The following MOK variants were observed in gnomAD, a reference collection of about 807,000 sequenced individuals.
MOK encodes the protein MOK protein kinase, also known as MAPK/MAK/MRK overlapping kinase.
In MOK, 59 loss-of-function variants were observed where a neutral mutation model predicts 54.2. That is an observed-to-expected ratio of 1.09 (90% CI 0.88 to 1.35). The LOEUF is 1.35. MOK is among the 40% of genes most tolerant of loss of function. The pLI, the probability that MOK is intolerant of heterozygous loss-of-function variation, is 0.00. For synonymous variants in MOK, 210 were observed against 202.7 expected, an observed-to-expected ratio of 1.04 and a Z score of -0.31; for missense variants, 517 against 526.2, an observed-to-expected ratio of 0.98 and a Z score of 0.17.
chr14:102,261,639 T>C lies in MOK; in HGVS notation c.283+1907A>G, dbSNP rs191585565. On this transcript the variant is annotated intron_variant, in intron 4 of 11. Transcript: ENST00000361847. Reference sequence around the variant, plus strand: ...ACTTCTGCCTCCCAGGTTCAAGCGATTCTCCTGCCTCAGCCTCCCAAGTAG... The same window carrying C: ...ACTTCTGCCTCCCAGGTTCAAGCGACTCTCCTGCCTCAGCCTCCCAAGTAG... Among the ~76,000 whole-genome samples the C allele has an allele frequency of 6.4e-3, 965 of 150,332 alleles. 11 individuals carry two copies. Among genetic ancestry groups the C allele is most frequent in the African/African-American group, 0.023 (922 of 40,912 alleles).
intron 6 of MOK, chr14:102,251,541 T>C (rs1344367666): frequency 3.1e-6 from 2 of 635,026 alleles, no homozygotes; most frequent in South Asian, 3.0e-5. Context: ...AAATGGTGCT[T>C]TCAATTATTT....
chr14:102,269,181 A>G (rs2068151663), intron 2 of MOK, among the ~76,000 whole-genome samples: 1 of 151,942 alleles, frequency 6.6e-6, no homozygotes, highest in African/African-American at 2.4e-5. Flanking sequence ...TATGTGTCAA[A>G]TAAGAGAATT....
chr14:102,268,317 A>T (rs2153142782), intron 2 of MOK, among the ~76,000 whole-genome samples: 1 of 152,294 alleles, frequency 6.6e-6, no homozygotes, highest in East Asian at 1.9e-4. Context: ...CAACTGTTCA[A>T]ATAACAGTGC....
intron 1 of MOK, among the ~76,000 whole-genome samples, chr14:102,303,746 G>A (rs2072489270): frequency 6.6e-6 from 1 of 152,208 alleles, no homozygotes; most frequent in Non-Finnish European, 1.5e-5. Flanking sequence ...ACTAACTCTT[G>A]AAAGGTCCAG....
rs369557353 is a variant in MOK, at chr14:102,251,906, C to T, written c.362+11G>A. On this transcript the variant is annotated intron_variant, in intron 5 of 11. Transcript: ENST00000361847. ...ATTAATTTCAGAGCTGTCAAATCTC[C>T]GAGAGCATACCTGTGAATATGATCC... 424 of 1,584,360 alleles carry T rather than the reference C, an allele frequency of 2.7e-4. 2 individuals are homozygous for T. The African/African-American group carries it at 5.4e-3, about 20-fold the overall frequency.
intron 2 of MOK, among the ~76,000 whole-genome samples, chr14:102,270,783 T>C (rs781496172): frequency 9.9e-5 from 15 of 152,136 alleles, no homozygotes; most frequent in Non-Finnish European, 1.5e-4. Flanking sequence ...TTAGTTGTTA[T>C]CAAAAACCTC....
rs549102716 is a variant in MOK, at chr14:102,231,419, G to A, written c.981+288C>T. The A allele has an allele frequency of 4.2e-5, 14 of 332,114 alleles. No individual in the cohort carries two copies. The East Asian group carries it at 7.5e-4, about 18-fold the overall frequency. 20.6% of individuals were successfully genotyped at this position (332,114 alleles called of 1,614,324 possible). A position where few individuals can be genotyped will look rare whatever the true frequency, so the allele number is the denominator to read the frequency against. On this transcript the variant is annotated intron_variant, in intron 10 of 11. Coordinates refer to ENST00000361847, the MANE Select transcript of MOK (RefSeq NM_014226.3). This position sits in a 1 kb window ranked among gnomAD's most constrained non-coding sequence, Gnocchi z 4.4. ...CCTGGCACCTGCATATGGTCATCAG[G>A]ACAGACACAAAAGTTCATGCAAACA...
intron 1 of MOK, among the ~76,000 whole-genome samples, chr14:102,293,701 CAAAAAA>C (rs10598736): frequency 3.3e-4 from 18 of 54,604 alleles, no homozygotes; most frequent in Admixed American, 8.4e-4. Context: ...AACTCCATCA[CAAAAAA>C]AAAAAAAAAA....
chr14:102,303,576 T>C (rs1234447106), intron 1 of MOK, among the ~76,000 whole-genome samples: 5 of 152,212 alleles, frequency 3.3e-5, no homozygotes, highest in Admixed American at 1.3e-4. Context: ...ACACATGTTA[T>C]TGGGATAAAT....
intron 2 of MOK, among the ~76,000 whole-genome samples, chr14:102,278,047 C>CCT (rs140047508): frequency 4.0e-4 from 60 of 150,066 alleles, no homozygotes; most frequent in South Asian, 3.2e-3. Flanking sequence ...GAACATGCGA[C>CCT]CTCTCTCTCT....
chr14:102,224,750 G>GC (rs1262529376), downstream of MOK: 1 of 455,978 alleles, frequency 2.2e-6, no homozygotes, highest in Non-Finnish European at 4.4e-6. Context: ...GAAGGCGCCA[G>GC]CAGGGACTCT....
At chr14:102,289,602 G>T (rs1363816954) in intron 1 of MOK, among the ~76,000 whole-genome samples, 1 of 152,054 alleles carries the variant, frequency 6.6e-6, no homozygotes, top group Non-Finnish European at 1.5e-5. Flanking sequence ...AGATTCTCGT[G>T]CCTCAGCCTC....
intron 7 of MOK, 175 bp from the exon 8 acceptor site, chr14:102,233,964 G>A (rs1427232424): frequency 1.7e-6 from 1 of 573,224 alleles, no homozygotes; most frequent in African/African-American, 1.9e-5. Context: ...ACATCACAAG[G>A]TGATATGTGG....
chr14:102,224,040 T>TC (rs1361504421), downstream of MOK, among the ~76,000 whole-genome samples: 1 of 146,390 alleles, frequency 6.8e-6, no homozygotes, highest in Non-Finnish European at 1.5e-5. Flanking sequence ...ACCTGAGATT[T>TC]TTTTTTTTTT....
At chr14:102,276,125 T>C (rs1400409739) in intron 2 of MOK, among the ~76,000 whole-genome samples, 4 of 152,142 alleles carry the variant, frequency 2.6e-5, no homozygotes, top group Non-Finnish European at 5.9e-5. Context: ...CTTAAAAGAA[T>C]AACAACATCA....
At chr14:102,233,894 A>G in intron 7 of MOK, 105 bp from the exon 8 acceptor site, 1 of 791,428 alleles carries the variant, frequency 1.3e-6, no homozygotes, top group Non-Finnish European at 2.1e-6. Context: ...TGGGAAGCAT[A>G]AACAAACTTT....
rs184677931 is a variant in MOK at position 102,263,504 on chromosome 14, T to C, written c.283+42A>G. 119 of 1,415,624 alleles carry C rather than the reference T, an allele frequency of 8.4e-5. 1 individual carries two copies. The East Asian group carries it at 2.6e-3, about 30-fold the overall frequency. 87.7% of individuals were successfully genotyped at this position (1,415,624 alleles called of 1,614,324 possible). On this transcript the variant is annotated intron_variant, in intron 4 of 11. Transcript: ENST00000361847. ...CTAAGCATATATGAATTACAAGCCT[T>C]AAAAGAGGATCTTAGGTTAGCTTTC... is the stretch of plus-strand genomic sequence containing the variant.
chr14:102,261,421 ATATATATATATATAT>A (rs2067445534), intron 4 of MOK, among the ~76,000 whole-genome samples: 6 of 25,558 alleles, frequency 2.3e-4, no homozygotes, highest in Non-Finnish European at 4.7e-4. Flanking sequence ...AAAAAAAAAT[ATATATATATATATAT>A]ATATATATAT....
chr14:102,286,364 G>C (rs2070096713), intron 1 of MOK, among the ~76,000 whole-genome samples: 1 of 147,120 alleles, frequency 6.8e-6, no homozygotes, highest in East Asian at 2.0e-4. Context: ...GCTCACGCCT[G>C]TAATCCCAGC....
Sources: gnomAD v4.1 joint callset for allele counts (sites outside exome capture counted in the v4.1 genomes callset) on GRCh38, gnomAD v4.1.1 for gene constraint, Gnocchi (gnomAD v3.1) non-coding constraint, MANE v1.5 for transcripts, NCBI Gene and HGNC (gene_info 2026-07-23, HGNC 2026-07-21) for gene names.